The following PRKG2 variants were observed in gnomAD, a reference collection of about 807,000 sequenced individuals.
The protein encoded by PRKG2 is cGMP-dependent protein kinase 2.
In PRKG2, 33 loss-of-function variants were observed where a neutral mutation model predicts 97.2. The ratio of observed to expected loss-of-function variants is 0.34; its 90% CI spans 0.26 to 0.45. The LOEUF is 0.45. PRKG2 is among the 20% of genes least tolerant of loss of function. PRKG2 has a pLI of 1.00. For missense variants in PRKG2, 638 were observed against 900.0 expected (o/e 0.71, Z 3.73); for synonymous variants, 330 against 321.8 (o/e 1.03, Z -0.27).
intron 17 of PRKG2, among the ~76,000 whole-genome samples, chr4:81,100,887 C>A (rs1344044685): frequency 6.6e-6 from 1 of 152,112 alleles, no homozygotes; most frequent in Non-Finnish European, 1.5e-5. Context: ...CAAACAAGCC[C>A]ATCAACAAGT....
At chr4:81,149,116 T>G (rs1381128895) in intron 8 of PRKG2, among the ~76,000 whole-genome samples, 164 bp from the exon 9 acceptor site, 1 of 152,110 alleles carries the variant, frequency 6.6e-6, no homozygotes, top group Admixed American at 6.6e-5. Context: ...AAAAAAAGAT[T>G]TGAAATGTGC....
intron 2 of PRKG2, among the ~76,000 whole-genome samples, chr4:81,190,523 A>G (rs896567320): frequency 1.3e-5 from 2 of 152,196 alleles, no homozygotes; most frequent in African/African-American, 4.8e-5. Flanking sequence ...GGACATAGGC[A>G]TGGGCAAAGA....
intron 2 of PRKG2, among the ~76,000 whole-genome samples, chr4:81,187,129 G>T (rs928647248): frequency 3.9e-5 from 6 of 152,114 alleles, no homozygotes; most frequent in Non-Finnish European, 8.8e-5. Context: ...ATTTTATGAG[G>T]CCAGCATCAT....
chr4:81,142,327 T>G (rs565051326), intron 11 of PRKG2, among the ~76,000 whole-genome samples: 1 of 152,268 alleles, frequency 6.6e-6, no homozygotes, highest in African/African-American at 2.4e-5. Flanking sequence ...AACAAAATAA[T>G]GAAGGTGAAA....
chr4:81,112,250 A>G (rs1744065463), intron 14 of PRKG2, among the ~76,000 whole-genome samples: 1 of 152,210 alleles, frequency 6.6e-6, no homozygotes, highest in Admixed American at 6.5e-5. Context: ...AATGACTCAC[A>G]GTGATTATAT....
chr4:81,198,560 A>AT (rs1753105905), intron 2 of PRKG2, among the ~76,000 whole-genome samples: 2 of 152,084 alleles, frequency 1.3e-5, no homozygotes, highest in African/African-American at 4.8e-5. Context: ...CTCACACTGT[A>AT]GGCTGCACAG....
intron 6 of PRKG2, among the ~76,000 whole-genome samples, chr4:81,163,109 C>A (rs1051783042): frequency 1.3e-5 from 2 of 152,104 alleles, no homozygotes; most frequent in African/African-American, 4.8e-5. Context: ...ACGGATGATT[C>A]TTTGTCACCC....
chr4:81,217,669 T>C (rs1754322207), upstream of PRKG2, among the ~76,000 whole-genome samples: 1 of 152,076 alleles, frequency 6.6e-6, no homozygotes, highest in African/African-American at 2.4e-5. Context: ...AGACATTAAA[T>C]AAGTAAACAC....
chr4:81,148,815 T>G (rs1215146006), intron 9 of PRKG2, 69 bp downstream of exon 9: 5 of 1,349,944 alleles, frequency 3.7e-6, no homozygotes, highest in Non-Finnish European at 5.3e-6. Context: ...CAGATCGGCC[T>G]TGAAGTAACA....
rs117141190 is a variant in PRKG2, at chr4:81,207,934, T to G, written c.-13-2874A>C. On this transcript the variant is annotated intron_variant, in intron 1 of 18. Transcript: ENST00000264399. ...TGTATCAGTCACTAAGATAAGCTAT[T>G]TCTCAAATATGTATTGCTAGCCACA... is the stretch of plus-strand genomic sequence containing the variant. 4.9e-4 allele frequency among the ~76,000 whole-genome samples: 75 copies of G among 152,290 alleles called. 3 individuals are homozygous for G. In the East Asian group the frequency reaches 0.014, roughly 29 times the overall value.
At chr4:81,094,344 T>C (rs1741902070) in intron 17 of PRKG2, among the ~76,000 whole-genome samples, 2 of 152,032 alleles carry the variant, frequency 1.3e-5, no homozygotes, top group African/African-American at 4.8e-5. Context: ...TGACTAGTTC[T>C]CTAAGAAAAA....
chr4:81,215,974 T>C (rs1436323764), upstream of PRKG2, among the ~76,000 whole-genome samples: 1 of 151,998 alleles, frequency 6.6e-6, no homozygotes, highest in African/African-American at 2.4e-5. Context: ...AGTTGTGAGA[T>C]CTCCATGTGG....
chr4:81,211,531 T>C (rs1753971185), intron 1 of PRKG2, among the ~76,000 whole-genome samples: 1 of 152,186 alleles, frequency 6.6e-6, no homozygotes, highest in South Asian at 2.1e-4. Flanking sequence ...AATCTTAAGA[T>C]ACACTAAGTT....
At chr4:81,114,521 G>A (rs1357127988) in intron 14 of PRKG2, among the ~76,000 whole-genome samples, 1 of 152,204 alleles carries the variant, frequency 6.6e-6, no homozygotes, top group African/African-American at 2.4e-5. Context: ...ACATTGGTGA[G>A]AGAAACTTAA....
intron 2 of PRKG2, among the ~76,000 whole-genome samples, chr4:81,202,821 G>A (rs190601984): frequency 2.2e-3 from 341 of 152,108 alleles, no homozygotes; most frequent in Admixed American, 3.7e-3. Context: ...TCAGCACCAG[G>A]AGCATGGTGT....
intron 1 of PRKG2, among the ~76,000 whole-genome samples, chr4:81,208,619 T>C (rs1440389356): frequency 1.3e-5 from 2 of 152,100 alleles, no homozygotes; most frequent in Non-Finnish European, 2.9e-5. Flanking sequence ...AGATGGGGTC[T>C]TGCACTATGT....
intron 8 of PRKG2, among the ~76,000 whole-genome samples, chr4:81,149,962 A>G (rs1748220344): frequency 6.6e-6 from 1 of 152,192 alleles, no homozygotes; most frequent in Non-Finnish European, 1.5e-5. Flanking sequence ...ACCTTCTGAC[A>G]TAACTCACTG....
At chr4:81,210,159 G>C (rs755595110) in intron 1 of PRKG2, among the ~76,000 whole-genome samples, 4 of 151,862 alleles carry the variant, frequency 2.6e-5, no homozygotes, top group Admixed American at 2.0e-4. Context: ...AATTCTAGGT[G>C]ATCTTGGGTT....
At chr4:81,170,119 T>C (rs761536301) in intron 4 of PRKG2, among the ~76,000 whole-genome samples, 2 of 152,104 alleles carry the variant, frequency 1.3e-5, no homozygotes, top group Non-Finnish European at 2.9e-5. Context: ...AGTCAATTTG[T>C]AGCTAATCTG....
Sources: gnomAD v4.1 joint callset for allele counts (sites outside exome capture counted in the v4.1 genomes callset) on GRCh38, gnomAD v4.1.1 for gene constraint, MANE v1.5 for transcripts, NCBI Gene and HGNC (gene_info 2026-07-23, HGNC 2026-07-21) for gene names.